GRIP1: variants seen among roughly 807,000 people sequenced by gnomAD.
GRIP1 encodes the protein glutamate receptor interacting protein 1.
A neutral mutation model predicts 129.9 loss-of-function variants in GRIP1; 45 were observed. That is an observed-to-expected ratio of 0.35 (90% confidence interval 0.27 to 0.44). The LOEUF (loss-of-function observed/expected upper bound fraction) is 0.44. Ranked by LOEUF, GRIP1 falls within the 20% of genes least tolerant of loss-of-function variation. The pLI is 1.00. For missense variants in GRIP1, 1,196 were observed against 1,396.8 expected (o/e 0.86, Z 2.29); for synonymous variants, 530 against 520.8 (o/e 1.02, Z -0.24).
chr12:66,834,294 C>A (rs758643758), intron 1 of GRIP1, among the ~76,000 whole-genome samples: 5 of 151,872 alleles, frequency 3.3e-5, no homozygotes, highest in Admixed American at 3.3e-4. Context: ...TACCTTCCCA[C>A]GTGTTACACA....
intron 22 of GRIP1, among the ~76,000 whole-genome samples, chr12:66,375,130 G>A (rs2055724872): frequency 1.3e-5 from 2 of 152,042 alleles, no homozygotes; most frequent in Admixed American, 1.3e-4. Flanking sequence ...AATACTAATA[G>A]TTAATTTTTA....
intron 1 of GRIP1, among the ~76,000 whole-genome samples, chr12:66,818,220 T>C (rs1013490794): frequency 1.8e-4 from 27 of 152,330 alleles, no homozygotes; most frequent in African/African-American, 5.8e-4. Context: ...CAAATGTTAA[T>C]ACATTTCATG....
chr12:66,482,864 G>A (rs2059844823), intron 7 of GRIP1, among the ~76,000 whole-genome samples: 1 of 152,204 alleles, frequency 6.6e-6, no homozygotes, highest in Non-Finnish European at 1.5e-5. Flanking sequence ...CTGCTGAAAT[G>A]AAGCATGGTT....
chr12:66,665,185 T>C (rs745986313), intron 1 of GRIP1, among the ~76,000 whole-genome samples: 1 of 152,160 alleles, frequency 6.6e-6, no homozygotes, highest in Non-Finnish European at 1.5e-5. Context: ...TTTTGTAATT[T>C]TGTGTAGAGA....
chr12:66,610,482 G>A (rs929636793), intron 1 of GRIP1, among the ~76,000 whole-genome samples: 5 of 152,094 alleles, frequency 3.3e-5, no homozygotes, highest in African/African-American at 4.8e-5. Flanking sequence ...ACTTCTTATG[G>A]AGCCCTGTGG....
chr12:66,583,958 C>A (rs1227109765), intron 2 of GRIP1, among the ~76,000 whole-genome samples: 1 of 139,080 alleles, frequency 7.2e-6, no homozygotes, highest in African/African-American at 2.6e-5. Context: ...CACATGCACA[C>A]GTATGTTTAT....
chr12:66,358,491 G>A (rs561906839), intron 23 of GRIP1, among the ~76,000 whole-genome samples: 1 of 152,070 alleles, frequency 6.6e-6, no homozygotes, highest in East Asian at 1.9e-4. Context: ...CTGTCACCCC[G>A]ACTGGAATGC....
intron 1 of GRIP1, among the ~76,000 whole-genome samples, chr12:66,985,887 G>A (rs1251128701): frequency 1.3e-5 from 2 of 152,166 alleles, no homozygotes; most frequent in Non-Finnish European, 2.9e-5. Context: ...TCAACAGGCA[G>A]TAACAGTTAT....
intron 1 of GRIP1, among the ~76,000 whole-genome samples, chr12:66,798,697 A>G (rs376764499): frequency 6.6e-6 from 1 of 152,180 alleles, no homozygotes; most frequent in Non-Finnish European, 1.5e-5. Context: ...TCACTGATGA[A>G]GGTAGCTATA....
intron 13 of GRIP1, among the ~76,000 whole-genome samples, chr12:66,439,545 T>G (rs759525612): frequency 2.0e-5 from 3 of 151,574 alleles, no homozygotes; most frequent in Non-Finnish European, 4.4e-5. Context: ...GTGCTGCAGG[T>G]GTGGCCTTTG....
At chr12:66,712,174 T>C in intron 1 of GRIP1, among the ~76,000 whole-genome samples, 1 of 151,978 alleles carries the variant, frequency 6.6e-6, no homozygotes, top group East Asian at 1.9e-4. Flanking sequence ...CAATTTATAC[T>C]TCCAGATTTT....
chr12:66,558,216 T>C (rs908945884), intron 2 of GRIP1, among the ~76,000 whole-genome samples: 6 of 152,118 alleles, frequency 3.9e-5, no homozygotes, highest in Non-Finnish European at 8.8e-5. Flanking sequence ...GGGTAATTTA[T>C]AAAGGAAAAG....
chr12:66,619,961 TC>T (rs2065198443), intron 1 of GRIP1, among the ~76,000 whole-genome samples: 1 of 152,190 alleles, frequency 6.6e-6, no homozygotes, highest in African/African-American at 2.4e-5. Context: ...TAGCAACAAC[TC>T]TTCTTTAGAA....
At chr12:66,880,144 G>A (rs567987365) in intron 1 of GRIP1, among the ~76,000 whole-genome samples, 2 of 152,176 alleles carry the variant, frequency 1.3e-5, no homozygotes, top group East Asian at 3.9e-4. Flanking sequence ...GCCCATGACA[G>A]CCAGATGTAG....
chr12:67,007,902 T>C (rs1419592103), intron 1 of GRIP1, among the ~76,000 whole-genome samples: 3 of 152,070 alleles, frequency 2.0e-5, no homozygotes, highest in Admixed American at 2.0e-4. Flanking sequence ...ATCTCTGAAA[T>C]AATATTGCCT....
intron 1 of GRIP1, among the ~76,000 whole-genome samples, chr12:66,850,574 T>C (rs2039892863): frequency 6.6e-6 from 1 of 152,010 alleles, no homozygotes; most frequent in Admixed American, 6.6e-5. Context: ...TAGAAACTAA[T>C]TGAACATTTT....
chr12:66,545,438 T>A (rs997160078), intron 2 of GRIP1, among the ~76,000 whole-genome samples: 1 of 152,156 alleles, frequency 6.6e-6, no homozygotes, highest in Admixed American at 6.6e-5. Flanking sequence ...GAAAACTATA[T>A]CCTTTATATA....
chr12:66,372,696 C>A (rs1353011166), intron 22 of GRIP1, among the ~76,000 whole-genome samples: 1 of 151,898 alleles, frequency 6.6e-6, no homozygotes, highest in African/African-American at 2.4e-5. Flanking sequence ...ATGTTCTTCC[C>A]TGAATACTTC....
intron 1 of GRIP1, among the ~76,000 whole-genome samples, chr12:66,883,072 T>C (rs1409316063): frequency 6.6e-6 from 1 of 152,162 alleles, no homozygotes; most frequent in Non-Finnish European, 1.5e-5. Flanking sequence ...CACTCTGCTT[T>C]GTTCATTTCT....
Sources: gnomAD v4.1 joint callset for allele counts (sites outside exome capture counted in the v4.1 genomes callset) on GRCh38, gnomAD v4.1.1 for gene constraint, MANE v1.5 for transcripts, NCBI Gene and HGNC (gene_info 2026-07-23, HGNC 2026-07-21) for gene names.